The following GATA4 variants were observed in gnomAD, a reference collection of about 807,000 sequenced individuals.
The protein encoded by GATA4 is GATA binding protein 4, also known as transcription factor GATA-4.
GATA4 carries 7 observed loss-of-function variants against 37.9 expected under a neutral mutation model. The ratio of observed to expected loss-of-function variants is 0.18; its 90% CI spans 0.11 to 0.35. The LOEUF (loss-of-function observed/expected upper bound fraction) is 0.35, where lower values mean the gene tolerates loss of function less well. GATA4 is among the 10% of genes least tolerant of loss of function. GATA4 has a pLI of 1.00. For missense variants in GATA4, 647 were observed against 653.0 expected, an observed-to-expected ratio of 0.99 and a Z score of 0.10; for synonymous variants, 372 against 292.6, an observed-to-expected ratio of 1.27 and a Z score of -2.77.
intron 2 of GATA4, among the ~76,000 whole-genome samples, chr8:11,715,884 AG>A (rs1286494864): frequency 1.3e-5 from 2 of 152,144 alleles, no homozygotes; most frequent in African/African-American, 4.8e-5. Context: ...TCTCCACACC[AG>A]CCCCTGGTAA....
intron 2 of GATA4, among the ~76,000 whole-genome samples, chr8:11,728,951 G>A (rs895315291): frequency 1.3e-5 from 2 of 152,174 alleles, no homozygotes; most frequent in African/African-American, 2.4e-5. Flanking sequence ...CCTAGCTGAC[G>A]GCCAGGCGTG....
At position 11,756,757 on chromosome 8, in the gene GATA4, G is replaced by A. The variant is rs1333050750; in HGVS notation, c.1001-178G>A. 1.8e-5 allele frequency: 14 copies of A among 797,856 alleles called. 1 individual carries two copies. In the South Asian group the frequency reaches 1.9e-4, roughly 11 times the overall value. The allele number at this position is 797,856 out of a possible 1,614,324, so 49.4% of individuals were successfully genotyped here. On this transcript the variant is annotated intron_variant, in intron 5 of 6. Transcript: ENST00000532059. ...GCCTCAAGGGTTTGAGATGAGATAG[G>A]GGGAAGAAGCCATCCCTGTGAGAAC...
intron 1 of GATA4, among the ~76,000 whole-genome samples, chr8:11,693,335 G>T (rs1166244152): frequency 1.5e-4 from 23 of 152,172 alleles, no homozygotes; most frequent in African/African-American, 5.5e-4. Flanking sequence ...GTCGTGGCGC[G>T]CGCCTGTGGT....
chr8:11,754,937 TG>T, intron 4 of GATA4, 108 bp from the exon 5 acceptor site: 1 of 821,794 alleles, frequency 1.2e-6, no homozygotes, highest in Non-Finnish European at 2.1e-6. Flanking sequence ...CCAGGCTTTG[TG>T]GAGAGATTGC....
intron 5 of GATA4, among the ~76,000 whole-genome samples, chr8:11,756,334 C>T (rs536978889): frequency 6.6e-6 from 1 of 152,348 alleles, no homozygotes; most frequent in South Asian, 2.1e-4. Flanking sequence ...CACCTGTGGT[C>T]TTCCACCTCT....
chr8:11,748,654 AGGTGTCCCGCCTCCCAGCCCAGGACGT>A (rs2130305409), intron 2 of GATA4, among the ~76,000 whole-genome samples: 1 of 152,268 alleles, frequency 6.6e-6, no homozygotes, highest in African/African-American at 2.4e-5. Context: ...ACTGAAATCC[AGGTGTCCCGCCTCCCAGCCCAGGACGT>A]GGGTGATCAC....
At position 11,708,997 on chromosome 8, in the gene GATA4, G is replaced by T; in HGVS notation, c.616+69G>T. ...GGGGCCGTCTTGAGCCCTGTCGAGGGCCTCTTGTTTTTCCACCAACGCCTT... is the reference window on the plus strand; with the variant it reads ...GGGGCCGTCTTGAGCCCTGTCGAGGTCCTCTTGTTTTTCCACCAACGCCTT... On this transcript the variant is annotated intron_variant, in intron 2 of 6. Coordinates refer to ENST00000532059, the MANE Select transcript of GATA4 (RefSeq NM_001308093.3). The surrounding 1 kb of genome is among the most constrained non-coding windows in gnomAD (Gnocchi z 6.7). 1 of 1,451,216 alleles carries T rather than the reference G, an allele frequency of 6.9e-7. No homozygotes were observed. Among genetic ancestry groups the T allele is most frequent in the Non-Finnish European group, 9.1e-7 (1 of 1,099,266 alleles). 89.9% of individuals were successfully genotyped at this position (1,451,216 alleles called of 1,614,324 possible).
intron 1 of GATA4, chr8:11,681,277 C>T (rs1316814928): frequency 1.8e-5 from 18 of 985,310 alleles, no homozygotes; most frequent in South Asian, 1.4e-4. Context: ...CCCAGGCCTC[C>T]GCACGCTGAG....
chr8:11,680,679 C>T (rs991227106), intron 1 of GATA4: 2 of 982,920 alleles, frequency 2.0e-6, no homozygotes, highest in African/African-American at 1.8e-5. Context: ...GCGTCAGAGA[C>T]CCCCCCCTTG....
chr8:11,693,562 CAGAGAGAGAG>C (rs139631153), intron 1 of GATA4, among the ~76,000 whole-genome samples: 43 of 72,226 alleles, frequency 6.0e-4, no homozygotes, highest in South Asian at 2.9e-3. Flanking sequence ...CACACACACA[CAGAGAGAGAG>C]AGAGAGAGAG....
Position 11,748,992 on chromosome 8 carries a change from A to T in GATA4, c.693A>T (p.Arg231=), listed in dbSNP as rs1423468368. The change falls in exon 3 of 7, where the codon CGA becomes CGT. Residue 231 remains arginine, a synonymous_variant. Transcript: ENST00000532059. ...CTATGTCCACCCCGCTCTGGAGGCGAGATGGGACGGGTCACTATCTGTGCA... is the reference window on the plus strand; with the variant it reads ...CTATGTCCACCCCGCTCTGGAGGCGTGATGGGACGGGTCACTATCTGTGCA... ...CGAMSTPLWR[R]DGTGHYLCNA... 2 of 1,614,112 alleles carry T rather than the reference A, an allele frequency of 1.2e-6. No individual in the cohort carries two copies. The highest frequency in any genetic ancestry group is 1.3e-5 in the African/African-American group (1 of 74,940).
chr8:11,722,557 C>A (rs934393467), intron 2 of GATA4, among the ~76,000 whole-genome samples: 4 of 152,192 alleles, frequency 2.6e-5, no homozygotes, highest in Non-Finnish European at 5.9e-5. Flanking sequence ...TTCTTTTAAT[C>A]TATGGGTTTC....
chr8:11,741,493 C>A (rs930187006), intron 2 of GATA4, among the ~76,000 whole-genome samples: 28 of 151,560 alleles, frequency 1.8e-4, no homozygotes, highest in African/African-American at 6.5e-4. Context: ...AACAAACAAA[C>A]AAAAAAAGTC....
At position 11,708,760 on chromosome 8, in the gene GATA4, G is replaced by T. The variant is rs1024075653; in HGVS notation, c.448G>T (p.Gly150Trp). Residue 150 changes from glycine (G) to tryptophan (W), a missense_variant, in exon 2 of 7, where the codon GGG (glycine) becomes TGG (tryptophan). Physicochemically the swap from Gly to Trp is radical, Grantham distance 184 (BLOSUM62 -2). This residue lies in a region of GATA4 where 379 missense variants were observed against 334.5 expected (regional missense o/e 1.13). Coordinates refer to ENST00000532059, the MANE Select transcript of GATA4 (RefSeq NM_001308093.3). The surrounding 1 kb of genome is among the most constrained non-coding windows in gnomAD (Gnocchi z 6.7). ...GAGLAGREQY[G>W]RAGFAGSYSS... ...GGGCCTGGCGGGCCGCGAGCAGTAC[G>T]GGCGCGCCGGCTTCGCGGGCTCCTA... is the stretch of plus-strand genomic sequence containing the variant. 6.4e-6 allele frequency: 9 copies of T among 1,414,762 alleles called. No homozygotes were observed. Among genetic ancestry groups the T allele is most frequent in the Middle Eastern group, 2.5e-4 (1 of 3,968 alleles). 87.6% of individuals were successfully genotyped at this position (1,414,762 alleles called of 1,614,324 possible).
intron 2 of GATA4, among the ~76,000 whole-genome samples, chr8:11,742,381 TTTG>T (rs1231368991): frequency 4.5e-5 from 5 of 112,122 alleles, no homozygotes; most frequent in African/African-American, 1.9e-4. Context: ...TTTTTGGTGT[TTTG>T]TTTTTTTTTT....
chr8:11,741,753 G>C (rs1377837724), intron 2 of GATA4, among the ~76,000 whole-genome samples: 1 of 152,252 alleles, frequency 6.6e-6, no homozygotes, highest in Admixed American at 6.5e-5. Context: ...GAGCTGAGAA[G>C]CATTGAGACA....
chr8:11,682,762 G>T (rs1799011607), intron 1 of GATA4, among the ~76,000 whole-genome samples: 1 of 152,198 alleles, frequency 6.6e-6, no homozygotes, highest in South Asian at 2.1e-4. Flanking sequence ...TATCCTACTG[G>T]TCAGACGTAG....
At chr8:11,682,640 C>CA (rs1799007965) in intron 1 of GATA4, among the ~76,000 whole-genome samples, 1 of 152,052 alleles carries the variant, frequency 6.6e-6, no homozygotes, top group Non-Finnish European at 1.5e-5. Flanking sequence ...CTTGAAGAAA[C>CA]AAAATTTTTA....
At chr8:11,700,652 C>A (rs547804982), upstream of GATA4, 6 of 152,412 alleles carry the variant, frequency 3.9e-5, no homozygotes, top group East Asian at 1.2e-3. Flanking sequence ...GCGGGGGAAT[C>A]CAAGGGCCGT....
Sources: gnomAD v4.1 joint callset for allele counts (sites outside exome capture counted in the v4.1 genomes callset) on GRCh38, gnomAD v4.1.1 for gene constraint, gnomAD v4.1.1 regional missense constraint, Gnocchi (gnomAD v3.1) non-coding constraint, MANE v1.5 for transcripts, NCBI Gene and HGNC (gene_info 2026-07-23, HGNC 2026-07-21) for gene names.